Variants in OAT observed in about 807,000 individuals in gnomAD.
The protein encoded by OAT is ornithine aminotransferase, mitochondrial.
A neutral mutation model predicts 48.4 loss-of-function variants in OAT; 35 were observed. The observed-to-expected ratio is 0.72, with a 90% CI of 0.55 to 0.96. The LOEUF (loss-of-function observed/expected upper bound fraction) is 0.96, where lower values mean the gene tolerates loss of function less well. Ranked by LOEUF, OAT falls within the 40% of genes least tolerant of loss-of-function variation. The pLI is 0.00. For synonymous variants in OAT, 182 were observed against 198.4 expected (o/e 0.92, Z 0.70); for missense variants, 438 against 537.9 (o/e 0.81, Z 1.84).
rs1951687636 is a variant in OAT at position 124,409,372 on chromosome 10, G to A, written c.200-407C>T. ...GAGCCCAGGAGTTCCAGATCAGCCT[G>A]GACAACACGGCAAAATCCCTGACGC... is the stretch of plus-strand genomic sequence containing the variant. On this transcript the variant is annotated intron_variant, in intron 2 of 9. Coordinates refer to ENST00000368845, the MANE Select transcript of OAT (RefSeq NM_000274.4). Among the ~76,000 whole-genome samples, 3 of 152,102 alleles carry A rather than the reference G, an allele frequency of 2.0e-5. No homozygotes were observed. In the South Asian group the frequency reaches 6.2e-4, roughly 32 times the overall value.
chr10:124,412,531 C>A (rs187314925), intron 1 of OAT, among the ~76,000 whole-genome samples: 2 of 151,426 alleles, frequency 1.3e-5, no homozygotes, highest in African/African-American at 4.9e-5. Flanking sequence ...AATGGCCAGG[C>A]GTGATAGCTC....
chr10:124,410,565 G>T (rs1431526447), intron 2 of OAT, among the ~76,000 whole-genome samples: 3 of 152,206 alleles, frequency 2.0e-5, no homozygotes, highest in African/African-American at 4.8e-5. Context: ...CCAGCACTGT[G>T]GGAGGCTGAG....
In OAT at chr10:124,397,882, T is replaced by C; in HGVS notation, c.*60A>G. 1.2e-6 allele frequency: 2 copies of C among 1,607,144 alleles called. No homozygotes were observed. Among genetic ancestry groups the C allele is most frequent in the Non-Finnish European group, 1.7e-6 (2 of 1,174,644 alleles). On this transcript the variant is annotated 3_prime_UTR_variant, in exon 10 of 10. Coordinates refer to ENST00000368845, the MANE Select transcript of OAT (RefSeq NM_000274.4). ...ATGTGCCCACATTAGGAATAAAGCT[T>C]TTACAGGACCACCTGTCTCCAGCTG...
At position 124,418,883 on chromosome 10, in the gene OAT, C is replaced by T. The variant is rs550355352; in HGVS notation, c.-40G>A. 1 of 152,416 alleles carries T rather than the reference C, an allele frequency of 6.6e-6. No homozygotes were observed. The highest frequency in any genetic ancestry group is 2.4e-5 in the African/African-American group (1 of 41,578). The allele number at this position is 152,416 out of a possible 1,614,324, so 9.4% of individuals were successfully genotyped here. A position where few individuals can be genotyped will look rare whatever the true frequency, so the allele number is the denominator to read the frequency against. ...GCGCCCAGACGGTACCTGACAGCGC[C>T]TGAGGACAACCGGGTACACGCGGCG... On this transcript the variant is annotated 5_prime_UTR_variant, in exon 1 of 10. Coordinates refer to ENST00000368845, the MANE Select transcript of OAT (RefSeq NM_000274.4).
At position 124,412,218 on chromosome 10, in the gene OAT, AATGCATTAAG is replaced by A; in HGVS notation, c.-29-28_-29-19del. 2 of 1,564,874 alleles carry A rather than the reference AATGCATTAAG, an allele frequency of 1.3e-6. No homozygotes were observed. Among genetic ancestry groups the A allele is most frequent in the South Asian group, 2.2e-5 (2 of 90,066 alleles). On this transcript the variant is annotated intron_variant, in intron 1 of 9. Coordinates refer to ENST00000368845, the MANE Select transcript of OAT (RefSeq NM_000274.4). ...CCACAGATCTGTCCAAAGAAAAGAGAATGCATTAAGAGTGAGAATCCTTGGCTTATGCCTA... is the reference window on the plus strand; with the variant it reads ...CCACAGATCTGTCCAAAGAAAAGAGAAGTGAGAATCCTTGGCTTATGCCTA...
chr10:124,405,760 G>C, intron 4 of OAT, 197 bp from the exon 5 acceptor site: 1 of 1,377,980 alleles, frequency 7.3e-7, no homozygotes, highest in Non-Finnish European at 9.4e-7. Flanking sequence ...AGGCCACTAA[G>C]TCTGGCCTTG....
chr10:124,407,003 C>A lies in OAT; in HGVS notation c.521-1440G>T, dbSNP rs553661319. The A allele has an allele frequency of 4.7e-5, 46 of 985,304 alleles. 1 individual carries two copies. The South Asian group carries it at 1.9e-3, about 41-fold the overall frequency. The allele number at this position is 985,304 out of a possible 1,614,324, so 61.0% of individuals were successfully genotyped here. Reference sequence around the variant, plus strand: ...TAACAGAGAGGTTGGGAGTTTGTGACATCATGTTTTTATCTTCTCACCACT... The same window carrying A: ...TAACAGAGAGGTTGGGAGTTTGTGAAATCATGTTTTTATCTTCTCACCACT... On this transcript the variant is annotated intron_variant, in intron 4 of 9. Transcript: ENST00000368845.
At chr10:124,401,042 G>A in intron 8 of OAT, 58 bp from the exon 9 acceptor site, 1 of 1,208,182 alleles carries the variant, frequency 8.3e-7, no homozygotes, top group Non-Finnish European at 1.2e-6. Flanking sequence ...GTTTTTTGGA[G>A]GACAACGGGG....
At chr10:124,414,617 A>G (rs1175750878) in intron 1 of OAT, among the ~76,000 whole-genome samples, 1 of 152,184 alleles carries the variant, frequency 6.6e-6, no homozygotes, top group Non-Finnish European at 1.5e-5. Flanking sequence ...ACTTCCCCAA[A>G]ATACTACTGC....
chr10:124,412,416 T>C (rs1951785362), intron 1 of OAT, among the ~76,000 whole-genome samples: 3 of 150,666 alleles, frequency 2.0e-5, no homozygotes, highest in African/African-American at 4.9e-5. Context: ...GAGACTGAGG[T>C]GGGAGGATTG....
intron 2 of OAT, 152 bp from the exon 3 acceptor site, chr10:124,409,117 AAT>A (rs1951683041): frequency 1.6e-6 from 1 of 615,044 alleles, no homozygotes; most frequent in East Asian, 2.8e-5. Flanking sequence ...GCTCAGGCAT[AAT>A]AAACTTTGGT....
rs200795279 is a variant in OAT at position 124,408,320 on chromosome 10, T to C, written c.520+222A>G. Among the ~76,000 whole-genome samples, 278 of 61,812 alleles carry C rather than the reference T, an allele frequency of 4.5e-3. 4 individuals carry two copies. In the East Asian group the frequency reaches 0.095, roughly 21 times the overall value. The allele number at this position is 61,812 out of a possible 152,430, so 40.6% of individuals were successfully genotyped here. A position where few individuals can be genotyped will look rare whatever the true frequency, so the allele number is the denominator to read the frequency against. ...GTGTGTGTGTGTGTGTGTGTGTGTA[T>C]ATATATATATATATATATATATATT... is the stretch of plus-strand genomic sequence containing the variant. On this transcript the variant is annotated intron_variant, in intron 4 of 9. Transcript: ENST00000368845.
intron 2 of OAT, 139 bp from the exon 3 acceptor site, chr10:124,409,104 T>C: frequency 1.6e-6 from 1 of 631,814 alleles, no homozygotes; most frequent in Non-Finnish European, 2.8e-6. Flanking sequence ...AAAGCTTGTT[T>C]TAGCTCAGGC....
intron 2 of OAT, among the ~76,000 whole-genome samples, chr10:124,411,151 AAAAAAAAAAAAAAG>A (rs1336104048): frequency 9.6e-5 from 14 of 145,082 alleles, no homozygotes; most frequent in East Asian, 6.0e-4. Flanking sequence ...AAAAAAAAAA[AAAAAAAAAAAAAAG>A]AAGAAGAGAT....
intron 2 of OAT, among the ~76,000 whole-genome samples, chr10:124,411,689 G>A (rs1173527376): frequency 3.3e-5 from 5 of 152,004 alleles, no homozygotes; most frequent in Admixed American, 6.6e-5. Flanking sequence ...GGTGGCGCAC[G>A]CCTGTAGTCC....
intron 2 of OAT, among the ~76,000 whole-genome samples, chr10:124,410,862 G>A (rs542595251): frequency 2.6e-5 from 4 of 151,938 alleles, no homozygotes; most frequent in South Asian, 4.2e-4. Flanking sequence ...GTCATGTGGC[G>A]GGGCGCGGTG....
At chr10:124,410,085 C>G (rs532674472) in intron 2 of OAT, among the ~76,000 whole-genome samples, 1 of 152,306 alleles carries the variant, frequency 6.6e-6, no homozygotes, top group South Asian at 2.1e-4. Context: ...GTGTGATACT[C>G]TTATATTGTC....
chr10:124,405,951 T>C lies in OAT; in HGVS notation c.521-388A>G, dbSNP rs11244747. The C allele has an allele frequency of 7.8e-3, 8,867 of 1,135,006 alleles. 564 individuals carry two copies. The African/African-American group carries it at 0.13, about 17-fold the overall frequency. 70.3% of individuals were successfully genotyped at this position (1,135,006 alleles called of 1,614,324 possible). A position where few individuals can be genotyped will look rare whatever the true frequency, so the allele number is the denominator to read the frequency against. On this transcript the variant is annotated intron_variant, in intron 4 of 9. Transcript: ENST00000368845. ...TTTATGATAGTGATATGAGAAAGAA[T>C]ATCCTTCATAGACAATTAGCGGTTT...
intron 9 of OAT, among the ~76,000 whole-genome samples, chr10:124,400,020 A>C (rs1229157501): frequency 6.6e-6 from 1 of 152,234 alleles, no homozygotes; most frequent in Non-Finnish European, 1.5e-5. Context: ...AAATTGGTTA[A>C]ATGTGCCTTC....
Sources: gnomAD v4.1 joint callset for allele counts (sites outside exome capture counted in the v4.1 genomes callset) on GRCh38, gnomAD v4.1.1 for gene constraint, MANE v1.5 for transcripts, NCBI Gene and HGNC (gene_info 2026-07-23, HGNC 2026-07-21) for gene names.